GCSAML: variants seen among roughly 807,000 people sequenced by gnomAD.
GCSAML encodes the protein germinal center associated signaling and motility like.
Under a neutral mutation model 13.0 loss-of-function variants are expected in GCSAML, and 9 were observed. The ratio of observed to expected loss-of-function variants is 0.69; its 90% CI spans 0.42 to 1.21. The LOEUF (loss-of-function observed/expected upper bound fraction) is 1.21, where lower values mean the gene tolerates loss of function less well. GCSAML is among the 50% of genes most tolerant of loss of function. GCSAML has a pLI of 0.00. For synonymous variants in GCSAML, 37 were observed against 52.9 expected (o/e 0.70, Z 1.31); for missense variants, 143 against 153.4 (o/e 0.93, Z 0.36).
intron 2 of GCSAML, among the ~76,000 whole-genome samples, chr1:247,561,579 T>A (rs1300569762): frequency 6.6e-6 from 1 of 152,170 alleles, no homozygotes; most frequent in Non-Finnish European, 1.5e-5. Flanking sequence ...TAATTTAATA[T>A]AAAAATGTTA....
intron 1 of GCSAML, among the ~76,000 whole-genome samples, chr1:247,521,613 C>T (rs983051383): frequency 2.0e-5 from 3 of 152,212 alleles, no homozygotes; most frequent in African/African-American, 4.8e-5. Flanking sequence ...AGCTCCTAAC[C>T]GCGAGTGATC....
chr1:247,520,215 A>G (rs547526802), intron 1 of GCSAML, among the ~76,000 whole-genome samples: 1 of 152,330 alleles, frequency 6.6e-6, no homozygotes, highest in East Asian at 1.9e-4. Context: ...GTACCCAGAT[A>G]TTTGGTTAAA....
chr1:247,556,506 G>A, intron 2 of GCSAML, 40 bp downstream of exon 2: 4 of 1,480,468 alleles, frequency 2.7e-6, no homozygotes, highest in Non-Finnish European at 3.7e-6. Flanking sequence ...GTTTTGTTTT[G>A]TTTTGTTTTT....
chr1:247,536,323 A>G (rs1280043932), intron 2 of GCSAML: 1 of 152,246 alleles, frequency 6.6e-6, no homozygotes, highest in Non-Finnish European at 1.5e-5. Flanking sequence ...AGCCCTGCAA[A>G]TAGTGGAAAT....
chr1:247,532,987 C>T (rs1278327982), intron 2 of GCSAML, among the ~76,000 whole-genome samples: 1 of 152,078 alleles, frequency 6.6e-6, no homozygotes, highest in Non-Finnish European at 1.5e-5. Context: ...AAATGTTTAG[C>T]AATAAAGGGT....
chr1:247,519,841 G>A (rs1304674188), intron 1 of GCSAML, among the ~76,000 whole-genome samples: 2 of 152,196 alleles, frequency 1.3e-5, no homozygotes, highest in African/African-American at 4.8e-5. Flanking sequence ...ACATAGGGTC[G>A]TGTATGGGAA....
intron 2 of GCSAML, among the ~76,000 whole-genome samples, chr1:247,538,397 C>T (rs1667294762): frequency 6.6e-6 from 1 of 152,150 alleles, no homozygotes; most frequent in South Asian, 2.1e-4. Flanking sequence ...ACCTCTATGC[C>T]AAACTTCAGA....
chr1:247,531,316 C>T lies in GCSAML; in HGVS notation c.-148+4262C>T, dbSNP rs1666942254. On this transcript the variant is annotated intron_variant, in intron 2 of 5. Coordinates refer to the GCSAML transcript ENST00000366489. ...GTTTACAAAACAAGATGACAGTCAA[C>T]ATGTGTATATATAGCAAAAACCAAC... 1.8e-5 allele frequency: 10 copies of T among 549,610 alleles called. 1 individual carries two copies. In the South Asian group the frequency reaches 2.5e-4, roughly 14 times the overall value. 34.0% of individuals were successfully genotyped at this position (549,610 alleles called of 1,614,324 possible). A position where few individuals can be genotyped will look rare whatever the true frequency, so the allele number is the denominator to read the frequency against.
At position 247,574,508 on chromosome 1, in the gene GCSAML, CT is replaced by C; in HGVS notation, c.*128del. ...TCTGGCTAAAGTTTAGAAATATTAT[CT>C]TATTATATATCCTTAGGCAACTCTG... On this transcript the variant is annotated 3_prime_UTR_variant, in exon 5 of 5. Coordinates refer to ENST00000366488, the MANE Select transcript of GCSAML (RefSeq NM_145278.5). 1 of 1,059,768 alleles carries C rather than the reference CT, an allele frequency of 9.4e-7. No homozygotes were observed. The highest frequency in any genetic ancestry group is 1.4e-6 in the Non-Finnish European group (1 of 738,084). 65.6% of individuals were successfully genotyped at this position (1,059,768 alleles called of 1,614,324 possible). A position where few individuals can be genotyped will look rare whatever the true frequency, so the allele number is the denominator to read the frequency against.
At chr1:247,522,285 C>CA (rs1558236585) in intron 1 of GCSAML, among the ~76,000 whole-genome samples, 3 of 107,230 alleles carry the variant, frequency 2.8e-5, no homozygotes, top group African/African-American at 9.8e-5. Context: ...CCGCCCTGTC[C>CA]GGGAGGGAGG....
intron 2 of GCSAML, among the ~76,000 whole-genome samples, chr1:247,537,223 T>C (rs1376277648): frequency 6.6e-6 from 1 of 152,250 alleles, no homozygotes; most frequent in Non-Finnish European, 1.5e-5. Flanking sequence ...ACTTATATCA[T>C]ACATGTTATT....
rs1666700743 is a variant in GCSAML at position 247,526,820 on chromosome 1, G to A, written c.-262-120G>A. The A allele has an allele frequency of 2.8e-6, 1 of 362,658 alleles. No homozygotes were observed. Among genetic ancestry groups the A allele is most frequent in the South Asian group, 2.1e-5 (1 of 47,086 alleles). 22.5% of individuals were successfully genotyped at this position (362,658 alleles called of 1,614,324 possible). A position where few individuals can be genotyped will look rare whatever the true frequency, so the allele number is the denominator to read the frequency against. On this transcript the variant is annotated intron_variant, in intron 1 of 5. Transcript: ENST00000366489. This position sits in a 1 kb window ranked among gnomAD's most constrained non-coding sequence, Gnocchi z 4.8. Reference sequence around the variant, plus strand: ...TTCGGCTGAAAAGGGACCTGGCATCGAAAGACAAGTGGTGTCCAATATGGC... The same window carrying A: ...TTCGGCTGAAAAGGGACCTGGCATCAAAAGACAAGTGGTGTCCAATATGGC...
At chr1:247,550,353 G>T (rs1667724315) in intron 1 of GCSAML, among the ~76,000 whole-genome samples, 1 of 152,068 alleles carries the variant, frequency 6.6e-6, no homozygotes. Context: ...AGAGCTTAAG[G>T]GTGGCTGGGC....
chr1:247,545,208 G>A (rs1667529151), upstream of GCSAML, among the ~76,000 whole-genome samples: 1 of 152,204 alleles, frequency 6.6e-6, no homozygotes, highest in Non-Finnish European at 1.5e-5. Context: ...GCAGGGACTC[G>A]CTGTCAACAG....
Position 247,574,599 on chromosome 1 carries a change from A to C in GCSAML, c.*217A>C, listed in dbSNP as rs920741489. 7.3e-6 allele frequency: 4 copies of C among 545,610 alleles called. No individual in the cohort carries two copies. The African/African-American group carries it at 7.5e-5, about 10-fold the overall frequency. The allele number at this position is 545,610 out of a possible 1,614,324, so 33.8% of individuals were successfully genotyped here. ...TTGACACAATGACCTAAAATATTCT[A>C]TGTGTTTTTGCTTGTAAAGTTTGAG... On this transcript the variant is annotated 3_prime_UTR_variant, in exon 5 of 5. Coordinates refer to ENST00000366488, the MANE Select transcript of GCSAML (RefSeq NM_145278.5).
chr1:247,532,050 C>G (rs1375438491), intron 2 of GCSAML: 11 of 1,614,034 alleles, frequency 6.8e-6, no homozygotes, highest in Non-Finnish European at 9.3e-6. Flanking sequence ...TGCTGGTGGT[C>G]AGACCCCCCA....
intron 1 of GCSAML, among the ~76,000 whole-genome samples, chr1:247,522,220 C>CAGAG (rs1666464168): frequency 6.7e-6 from 1 of 149,926 alleles, no homozygotes; most frequent in African/African-American, 2.4e-5. Context: ...GCAGCCCCCG[C>CAGAG]CCAGCCAGCC....
At chr1:247,548,293 C>T (rs979529310), upstream of GCSAML, among the ~76,000 whole-genome samples, 2 of 152,194 alleles carry the variant, frequency 1.3e-5, no homozygotes, top group African/African-American at 4.8e-5. The surrounding 1 kb of genome is among the most constrained non-coding windows in gnomAD (Gnocchi z 5.3). Context: ...ATTGTGGCCT[C>T]GAAATTATCA....
At chr1:247,567,299 G>A (rs960465270) in intron 4 of GCSAML, among the ~76,000 whole-genome samples, 1 of 151,846 alleles carries the variant, frequency 6.6e-6, no homozygotes, top group African/African-American at 2.4e-5. Flanking sequence ...CATGCATTAG[G>A]TATTTGTTCT....
Sources: allele counts gnomAD v4.1 joint callset (sites outside exome capture counted in the v4.1 genomes callset), GRCh38; gene constraint gnomAD v4.1.1; non-coding constraint Gnocchi (gnomAD v3.1); transcripts MANE v1.5; gene names NCBI Gene and HGNC (gene_info 2026-07-23, HGNC 2026-07-21).